UBXN8: variants seen among roughly 807,000 people sequenced by gnomAD.
The protein encoded by UBXN8 is UBX domain protein 8, also known as UBX domain-containing protein 8.
In UBXN8, 27 loss-of-function variants were observed where a neutral mutation model predicts 32.1. That is an observed-to-expected ratio of 0.84 (90% CI 0.62 to 1.16). The LOEUF (loss-of-function observed/expected upper bound fraction) is 1.16. Among genes scored for constraint, UBXN8 ranks in the 50% most tolerant of loss-of-function variants. UBXN8 has a pLI of 0.00. For missense variants in UBXN8, 306 were observed against 311.4 expected (o/e 0.98, Z 0.13); for synonymous variants, 109 against 111.8 (o/e 0.98, Z 0.16).
intron 7 of UBXN8, among the ~76,000 whole-genome samples, 199 bp from the exon 8 acceptor site, chr8:30,766,028 A>G (rs1805994703): frequency 6.6e-6 from 1 of 151,686 alleles, no homozygotes; most frequent in Non-Finnish European, 1.5e-5. Context: ...AAAAAAAAGA[A>G]TATTCCTATC....
chr8:30,750,212 C>T (rs1805482609), intron 1 of UBXN8, among the ~76,000 whole-genome samples: 1 of 152,040 alleles, frequency 6.6e-6, no homozygotes, highest in African/African-American at 2.4e-5. Context: ...TGGCTCACAC[C>T]TACAATCCCA....
chr8:30,731,052 G>GCTGT (rs1804939658), upstream of UBXN8, among the ~76,000 whole-genome samples: 1 of 152,240 alleles, frequency 6.6e-6, no homozygotes, highest in East Asian at 1.9e-4. Flanking sequence ...ACTCAGCCTG[G>GCTGT]CTGTCAGAGC....
chr8:30,758,956 T>C (rs1247363333), intron 5 of UBXN8, among the ~76,000 whole-genome samples: 4 of 141,392 alleles, frequency 2.8e-5, no homozygotes, highest in East Asian at 2.2e-4. Flanking sequence ...TGCAGTGGCG[T>C]GATCTCGGCT....
chr8:30,760,330 G>T (rs563191828), intron 5 of UBXN8, among the ~76,000 whole-genome samples: 12 of 148,634 alleles, frequency 8.1e-5, no homozygotes, highest in Middle Eastern at 3.5e-3. Flanking sequence ...CAGTGTGTCG[G>T]GATTACAGGC....
At chr8:30,759,806 A>C (rs1435085188) in intron 5 of UBXN8, among the ~76,000 whole-genome samples, 3 of 150,742 alleles carry the variant, frequency 2.0e-5, no homozygotes, top group African/African-American at 7.3e-5. Context: ...AAATACAAAA[A>C]ATTAGCGGGG....
At chr8:30,734,621 TAAA>T (rs879502378) in intron 1 of UBXN8, among the ~76,000 whole-genome samples, 19 of 145,452 alleles carry the variant, frequency 1.3e-4, no homozygotes, top group African/African-American at 3.0e-4. Flanking sequence ...CACTATCTCT[TAAA>T]AAAAAAAAAA....
chr8:30,757,032 C>A (rs964770367), intron 5 of UBXN8, 145 bp downstream of exon 5: 339 of 1,284,272 alleles, frequency 2.6e-4, no homozygotes, highest in Non-Finnish European at 3.4e-4. Context: ...GCAATCACCC[C>A]AGAATAGGCC....
intron 1 of UBXN8, among the ~76,000 whole-genome samples, chr8:30,749,406 A>AAATAAAAT (rs1554577904): frequency 4.4e-5 from 5 of 114,482 alleles, no homozygotes; most frequent in African/African-American, 8.2e-5. Context: ...AAAAAAAAAT[A>AAATAAAAT]AAATAAATAA....
intron 1 of UBXN8, among the ~76,000 whole-genome samples, chr8:30,736,564 CT>C (rs1805074133): frequency 6.6e-6 from 1 of 152,162 alleles, no homozygotes; most frequent in South Asian, 2.1e-4. Context: ...ACCTTGCCTC[CT>C]GGGTTCAAGC....
intron 5 of UBXN8, among the ~76,000 whole-genome samples, chr8:30,758,041 GC>G (rs2128755562): frequency 6.6e-6 from 1 of 151,360 alleles, no homozygotes; most frequent in South Asian, 2.1e-4. Context: ...GACTACAGGC[GC>G]CCACCACCCC....
chr8:30,749,474 G>C (rs1027544018), intron 1 of UBXN8, among the ~76,000 whole-genome samples: 1 of 151,656 alleles, frequency 6.6e-6, no homozygotes, highest in African/African-American at 2.4e-5. Flanking sequence ...CATGTAAATC[G>C]TAATTTTACT....
chr8:30,749,402 AAATAAAAT>A (rs1481612903), intron 1 of UBXN8, among the ~76,000 whole-genome samples: 6 of 88,034 alleles, frequency 6.8e-5, no homozygotes, highest in African/African-American at 4.3e-4. Flanking sequence ...CAAAAAAAAA[AAATAAAAT>A]AAATAAATAA....
At chr8:30,759,289 G>A (rs1805761319) in intron 5 of UBXN8, among the ~76,000 whole-genome samples, 1 of 151,996 alleles carries the variant, frequency 6.6e-6, no homozygotes. Context: ...AGGCTGGAGT[G>A]CAGTGGCACA....
chr8:30,738,028 G>A (rs892648580), intron 1 of UBXN8, among the ~76,000 whole-genome samples: 5 of 151,754 alleles, frequency 3.3e-5, no homozygotes, highest in Non-Finnish European at 7.4e-5. Context: ...GGACGCCAAG[G>A]TGGGCAGATT....
chr8:30,743,775 G>A (rs967302587), upstream of UBXN8, among the ~76,000 whole-genome samples: 1 of 152,198 alleles, frequency 6.6e-6, no homozygotes, highest in Non-Finnish European at 1.5e-5. Flanking sequence ...AGGTGTTATA[G>A]CCCACATTCA....
At chr8:30,733,219 C>T (rs1219429847) in exon 1 of UBXN8, 1 of 152,260 alleles carries the variant, frequency 6.6e-6, no homozygotes, top group Non-Finnish European at 1.5e-5. Flanking sequence ...ACTCTGGACA[C>T]TGTTGTTGAA....
chr8:30,730,977 G>C (rs1380788512), upstream of UBXN8, among the ~76,000 whole-genome samples: 1 of 152,252 alleles, frequency 6.6e-6, no homozygotes, highest in East Asian at 1.9e-4. Context: ...ATGCCGAGCT[G>C]TTAGCTGCAG....
At chr8:30,757,554 A>G (rs961253289) in intron 5 of UBXN8, among the ~76,000 whole-genome samples, 7 of 150,754 alleles carry the variant, frequency 4.6e-5, no homozygotes, top group African/African-American at 1.7e-4. Flanking sequence ...CTCCATCTCA[A>G]AAACAAAAAA....
chr8:30,760,778 A>G, intron 5 of UBXN8, 110 bp from the exon 6 acceptor site: 2 of 672,744 alleles, frequency 3.0e-6, no homozygotes, highest in African/African-American at 1.9e-5. Flanking sequence ...AAGAAAAGAT[A>G]TAAGTAAGCT....
Sources: gnomAD v4.1 joint callset for allele counts (sites outside exome capture counted in the v4.1 genomes callset) on GRCh38, gnomAD v4.1.1 for gene constraint, MANE v1.5 for transcripts, NCBI Gene and HGNC (gene_info 2026-07-23, HGNC 2026-07-21) for gene names.